Variants in PTPRO observed in about 807,000 individuals in gnomAD.
PTPRO encodes protein tyrosine phosphatase receptor type O.
A neutral mutation model predicts 145.2 loss-of-function variants in PTPRO; 62 were observed. The observed-to-expected ratio is 0.43, with a 90% CI of 0.35 to 0.53. The LOEUF is 0.53. Ranked by LOEUF, PTPRO falls within the 20% of genes least tolerant of loss-of-function variation. The pLI, the probability that PTPRO is intolerant of heterozygous loss-of-function variation, is 0.01. For missense variants in PTPRO, 1,345 were observed against 1,482.7 expected (o/e 0.91, Z 1.53); for synonymous variants, 565 against 514.7 (o/e 1.10, Z -1.32).
chr12:15,342,333 C>T (rs912732202), intron 1 of PTPRO, among the ~76,000 whole-genome samples: 3 of 152,156 alleles, frequency 2.0e-5, no homozygotes, highest in African/African-American at 7.2e-5. Flanking sequence ...TAATTTCATA[C>T]CCATACCACC....
At position 15,508,827 on chromosome 12, in the gene PTPRO, C is replaced by A. The variant is rs555485298; in HGVS notation, c.1464+60C>A. 6 of 1,545,052 alleles carry A rather than the reference C, an allele frequency of 3.9e-6. No homozygotes were observed. In the South Asian group the frequency reaches 5.7e-5, roughly 15 times the overall value. ...CCTTCCTAAGCACAACCTTACAGGG[C>A]AATGCCAAGGAGGCAATTGTAGGAA... On this transcript the variant is annotated intron_variant, in intron 7 of 26. Transcript: ENST00000281171.
intron 1 of PTPRO, among the ~76,000 whole-genome samples, chr12:15,428,328 A>G (rs1201117260): frequency 5.3e-5 from 8 of 152,148 alleles, no homozygotes; most frequent in Admixed American, 1.3e-4. Flanking sequence ...TCTGTTCACA[A>G]TTGTCTGCAA....
At chr12:15,556,729 A>G (rs1047206075) in intron 15 of PTPRO, among the ~76,000 whole-genome samples, 2 of 152,230 alleles carry the variant, frequency 1.3e-5, no homozygotes, top group Admixed American at 6.5e-5. Context: ...TCAAAATGCC[A>G]TAAACAAAAC....
At chr12:15,501,164 A>G (rs1368923373) in intron 4 of PTPRO, among the ~76,000 whole-genome samples, 1 of 152,214 alleles carries the variant, frequency 6.6e-6, no homozygotes, top group Non-Finnish European at 1.5e-5. Flanking sequence ...CAACACATGT[A>G]TGCAACTCTT....
intron 1 of PTPRO, among the ~76,000 whole-genome samples, chr12:15,462,141 T>C (rs1941318341): frequency 6.6e-6 from 1 of 152,150 alleles, no homozygotes; most frequent in African/African-American, 2.4e-5. Flanking sequence ...TTTTTTCTTT[T>C]GAGACGGCAT....
intron 1 of PTPRO, among the ~76,000 whole-genome samples, chr12:15,325,756 T>A (rs930019456): frequency 2.0e-5 from 3 of 152,186 alleles, no homozygotes; most frequent in Non-Finnish European, 4.4e-5. Context: ...ATCAGTTTAC[T>A]CAGTATAAGT....
chr12:15,380,183 G>T (rs938836029), intron 1 of PTPRO, among the ~76,000 whole-genome samples: 1 of 151,950 alleles, frequency 6.6e-6, no homozygotes, highest in Non-Finnish European at 1.5e-5. Context: ...ACATCACAGG[G>T]GTTTTGAGAG....
intron 1 of PTPRO, among the ~76,000 whole-genome samples, chr12:15,324,159 CTATT>C (rs1413742153): frequency 6.6e-6 from 1 of 152,150 alleles, no homozygotes; most frequent in African/African-American, 2.4e-5. Context: ...CGTTTTCTAA[CTATT>C]TATCAAACTG....
intron 1 of PTPRO, among the ~76,000 whole-genome samples, chr12:15,434,284 A>T (rs1280359007): frequency 6.6e-6 from 1 of 152,208 alleles, no homozygotes; most frequent in Non-Finnish European, 1.5e-5. Context: ...CTAATTTTCA[A>T]TTTCATATCA....
chr12:15,402,006 G>C (rs993589519), intron 1 of PTPRO, among the ~76,000 whole-genome samples: 2 of 152,128 alleles, frequency 1.3e-5, no homozygotes, highest in African/African-American at 4.8e-5. Flanking sequence ...ATGGGGATTT[G>C]GTATTCGTTT....
chr12:15,534,347 A>C (rs1300431341), intron 12 of PTPRO, among the ~76,000 whole-genome samples: 1 of 152,216 alleles, frequency 6.6e-6, no homozygotes, highest in African/African-American at 2.4e-5. Context: ...CATCACAAAT[A>C]GCTCTCTGGT....
At chr12:15,536,095 C>T (rs904019866) in intron 12 of PTPRO, among the ~76,000 whole-genome samples, 2 of 152,134 alleles carry the variant, frequency 1.3e-5, no homozygotes, top group African/African-American at 4.8e-5. Context: ...ATTTACTTAG[C>T]ATTTACTATA....
At position 15,596,150 on chromosome 12, in the gene PTPRO, G is replaced by A. The variant is rs1411660404; in HGVS notation, c.*77G>A. ...CCAGATTGTTTTAGTGGGCCCTGAT[G>A]GTCATTTTTCTAAACAGAGGCCCTG... On this transcript the variant is annotated 3_prime_UTR_variant, in exon 27 of 27. Transcript: ENST00000281171. The A allele has an allele frequency of 6.6e-6, 1 of 152,462 alleles. No individual in the cohort carries two copies. The highest frequency in any genetic ancestry group is 1.5e-5 in the Non-Finnish European group (1 of 68,046). 9.4% of individuals were successfully genotyped at this position (152,462 alleles called of 1,614,324 possible).
At chr12:15,365,459 G>A (rs1349239963) in intron 1 of PTPRO, among the ~76,000 whole-genome samples, 1 of 151,956 alleles carries the variant, frequency 6.6e-6, no homozygotes, top group African/African-American at 2.4e-5. Context: ...AATCAATAAA[G>A]GGTATATTTT....
At chr12:15,561,467 G>T (rs1380225656) in intron 17 of PTPRO, among the ~76,000 whole-genome samples, 1 of 152,078 alleles carries the variant, frequency 6.6e-6, no homozygotes, top group Admixed American at 6.6e-5. Context: ...TAAAAAAAGA[G>T]ACTAGAGGAA....
intron 1 of PTPRO, among the ~76,000 whole-genome samples, chr12:15,401,220 G>A (rs922116411): frequency 1.3e-5 from 2 of 152,084 alleles, no homozygotes; most frequent in Non-Finnish European, 2.9e-5. Context: ...GACTCCCCAG[G>A]GTTTTAGCCA....
chr12:15,535,366 C>G (rs897186936), intron 12 of PTPRO, among the ~76,000 whole-genome samples: 3 of 152,090 alleles, frequency 2.0e-5, no homozygotes, highest in African/African-American at 7.2e-5. Context: ...AGAAATTCAG[C>G]TTAGCAGGAA....
chr12:15,521,275 A>T (rs1279529187), intron 10 of PTPRO, among the ~76,000 whole-genome samples: 2 of 152,208 alleles, frequency 1.3e-5, no homozygotes, highest in Non-Finnish European at 2.9e-5. Flanking sequence ...TTCTTACACA[A>T]TTAACTTACA....
chr12:15,440,942 G>T (rs1940748504), intron 1 of PTPRO, among the ~76,000 whole-genome samples: 1 of 152,160 alleles, frequency 6.6e-6, no homozygotes, highest in African/African-American at 2.4e-5. Context: ...ACTGACAGCA[G>T]TAGACAGGTC....
Sources: gnomAD v4.1 joint callset for allele counts (sites outside exome capture counted in the v4.1 genomes callset) on GRCh38, gnomAD v4.1.1 for gene constraint, MANE v1.5 for transcripts, NCBI Gene and HGNC (gene_info 2026-07-23, HGNC 2026-07-21) for gene names.